PRKCQ: variants seen among roughly 807,000 people sequenced by gnomAD.
The protein encoded by PRKCQ is protein kinase C theta type.
A neutral mutation model predicts 91.2 loss-of-function variants in PRKCQ; 41 were observed. The ratio of observed to expected loss-of-function variants is 0.45; its 90% confidence interval spans 0.35 to 0.58. The LOEUF (loss-of-function observed/expected upper bound fraction) is 0.58, where lower values mean the gene tolerates loss of function less well. Among genes scored for constraint, PRKCQ ranks in the 20% least tolerant of loss-of-function variants. PRKCQ has a pLI of 0.00. For missense variants in PRKCQ, 673 were observed against 896.5 expected (o/e 0.75, Z 3.18); for synonymous variants, 307 against 316.9 (o/e 0.97, Z 0.33).
intron 2 of PRKCQ, among the ~76,000 whole-genome samples, chr10:6,511,508 A>G (rs1009826025): frequency 6.6e-6 from 1 of 152,262 alleles, no homozygotes; most frequent in African/African-American, 2.4e-5. Context: ...CCGCACAGAA[A>G]GCCAATGACT....
At position 6,436,617 on chromosome 10, in the gene PRKCQ, C is replaced by A. The variant is rs192226435; in HGVS notation, c.1836+5276G>T. On this transcript the variant is annotated intron_variant, in intron 16 of 17. Transcript: ENST00000263125. ...CCCAGGCAACCACTAATCTGACTTC[C>A]ATTTCTATGGTGTTGCCACTTTAAT... Among the ~76,000 whole-genome samples, 77 of 152,280 alleles carry A rather than the reference C, an allele frequency of 5.1e-4. 1 individual carries two copies. The highest frequency in any genetic ancestry group is 1.8e-3 in the African/African-American group (75 of 41,566).
the PRKCQ span, among the ~76,000 whole-genome samples, chr10:6,410,976 C>CA: frequency 0.23 from 19,661 of 87,192 alleles, 2,305 homozygotes; most frequent in Middle Eastern, 0.38. Context: ...GATTCCGTTT[C>CA]AAAAAAAAAA....
intron 12 of PRKCQ, among the ~76,000 whole-genome samples, chr10:6,476,420 T>A (rs1039683483): frequency 2.0e-5 from 3 of 152,058 alleles, no homozygotes; most frequent in Middle Eastern, 3.4e-3. Flanking sequence ...CAGAAAGATA[T>A]AATAAAAATA....
chr10:6,438,230 G>A (rs1489028659), intron 16 of PRKCQ, among the ~76,000 whole-genome samples: 1 of 152,264 alleles, frequency 6.6e-6, no homozygotes, highest in Non-Finnish European at 1.5e-5. Context: ...TTTCCAGGGA[G>A]AGCCCTGGAG....
At chr10:6,549,326 G>C (rs1469790844) in intron 1 of PRKCQ, among the ~76,000 whole-genome samples, 1 of 152,174 alleles carries the variant, frequency 6.6e-6, no homozygotes, top group Non-Finnish European at 1.5e-5. Flanking sequence ...TAGGGAGGAA[G>C]TACGGGATAT....
intron 11 of PRKCQ, 137 bp downstream of exon 11, chr10:6,483,302 TC>T: frequency 8.8e-7 from 1 of 1,137,508 alleles, no homozygotes; most frequent in Admixed American, 2.2e-5. Context: ...CCCTATTTAT[TC>T]AGCGCTCCCT....
chr10:6,413,825 G>GCACA, the PRKCQ span, among the ~76,000 whole-genome samples: 1 of 117,424 alleles, frequency 8.5e-6, no homozygotes, highest in East Asian at 2.2e-4. Flanking sequence ...TTGTGCGCGT[G>GCACA]CACACACACA....
chr10:6,579,625 A>C (rs941718225), intron 1 of PRKCQ, among the ~76,000 whole-genome samples: 1 of 150,374 alleles, frequency 6.7e-6, no homozygotes, highest in African/African-American at 2.5e-5. Context: ...ACTTGAGGCT[A>C]CAGGAATGAG....
intron 17 of PRKCQ, among the ~76,000 whole-genome samples, chr10:6,429,928 T>C (rs1833324174): frequency 6.6e-6 from 1 of 152,092 alleles, no homozygotes; most frequent in Non-Finnish European, 1.5e-5. Flanking sequence ...CTATGTTGCC[T>C]AGGCTAGTCT....
chr10:6,571,231 G>T lies in PRKCQ; in HGVS notation c.-10+8980C>A, dbSNP rs552518303. ...TGGAAAAAGCAGACAGTTGGATTTA[G>T]CTGTGATCCCAGTGACCACAGAGGG... On this transcript the variant is annotated intron_variant, in intron 1 of 17. Transcript: ENST00000263125. 1.9e-4 allele frequency among the ~76,000 whole-genome samples: 29 copies of T among 152,256 alleles called. No individual in the cohort carries two copies. In the East Asian group the frequency reaches 5.4e-3, roughly 28 times the overall value.
downstream of PRKCQ, among the ~76,000 whole-genome samples, chr10:6,422,590 T>G (rs1005034472): frequency 6.6e-6 from 1 of 152,210 alleles, no homozygotes; most frequent in African/African-American, 2.4e-5. Context: ...ACAATGATGC[T>G]GTCCTCAGAG....
chr10:6,432,490 C>G (rs1256030755), intron 16 of PRKCQ, among the ~76,000 whole-genome samples: 2 of 152,336 alleles, frequency 1.3e-5, no homozygotes, highest in African/African-American at 4.8e-5. Context: ...AACTTCCTCT[C>G]TCCCCCTTAC....
At chr10:6,526,493 C>T (rs372313732) in intron 1 of PRKCQ, among the ~76,000 whole-genome samples, 32 of 151,594 alleles carry the variant, frequency 2.1e-4, no homozygotes, top group Non-Finnish European at 4.7e-4. Flanking sequence ...CTGGGTGGGG[C>T]GGCAGGGAGG....
chr10:6,410,055 C>A, the PRKCQ span, among the ~76,000 whole-genome samples: 2 of 152,158 alleles, frequency 1.3e-5, no homozygotes, highest in Non-Finnish European at 2.9e-5. Flanking sequence ...GCAAGTCAGC[C>A]CTTTTACCCT....
intron 13 of PRKCQ, 115 bp downstream of exon 13, chr10:6,464,198 C>G (rs1157384039): frequency 2.3e-6 from 2 of 882,970 alleles, no homozygotes; most frequent in Admixed American, 2.2e-5. Flanking sequence ...GATGTATTCC[C>G]AAGGGTTCAC....
chr10:6,489,105 T>A (rs1435550433), intron 8 of PRKCQ, among the ~76,000 whole-genome samples: 4 of 150,568 alleles, frequency 2.7e-5, no homozygotes, highest in Admixed American at 2.7e-4. Flanking sequence ...TAGAAAGGAT[T>A]TTTTTTTTTC....
chr10:6,560,769 G>T (rs1315089728), intron 1 of PRKCQ, among the ~76,000 whole-genome samples: 2 of 152,176 alleles, frequency 1.3e-5, no homozygotes, highest in African/African-American at 4.8e-5. Context: ...GCCAGGCGCG[G>T]TGTCTCATGT....
At chr10:6,481,187 G>C (rs2130771770) in intron 11 of PRKCQ, among the ~76,000 whole-genome samples, 1 of 152,310 alleles carries the variant, frequency 6.6e-6, no homozygotes, top group South Asian at 2.1e-4. Flanking sequence ...GCTCCCAGCT[G>C]CACCTTGGGA....
intron 1 of PRKCQ, among the ~76,000 whole-genome samples, chr10:6,540,979 T>G (rs1839756800): frequency 6.6e-6 from 1 of 152,190 alleles, no homozygotes; most frequent in African/African-American, 2.4e-5. Context: ...GGAAGGGTGT[T>G]GAGCATCTTT....
Sources: gnomAD v4.1 joint callset for allele counts (sites outside exome capture counted in the v4.1 genomes callset) on GRCh38, gnomAD v4.1.1 for gene constraint, MANE v1.5 for transcripts, NCBI Gene and HGNC (gene_info 2026-07-23, HGNC 2026-07-21) for gene names.